ATP6V1C2: variants seen among roughly 807,000 people sequenced by gnomAD.
ATP6V1C2 encodes the protein ATPase H+ transporting V1 subunit C2.
ATP6V1C2 carries 45 observed loss-of-function variants against 56.8 expected under a neutral mutation model. The ratio of observed to expected loss-of-function variants is 0.79; its 90% confidence interval spans 0.62 to 1.02. The LOEUF (loss-of-function observed/expected upper bound fraction) is 1.02, where lower values mean the gene tolerates loss of function less well. Among genes scored for constraint, ATP6V1C2 ranks in the 50% least tolerant of loss-of-function variants. The pLI is 0.00. For synonymous variants in ATP6V1C2, 220 were observed against 201.3 expected, an observed-to-expected ratio of 1.09 and a Z score of -0.79; for missense variants, 463 against 519.7, an observed-to-expected ratio of 0.89 and a Z score of 1.06.
chr2:10,760,016 GT>G (rs1025889737), intron 4 of ATP6V1C2, among the ~76,000 whole-genome samples: 3 of 89,242 alleles, frequency 3.4e-5, no homozygotes, highest in African/African-American at 5.2e-5. Context: ...AAGACAAGCA[GT>G]TTTTTGTTTT....
Position 10,780,680 on chromosome 2 carries a change from C to T in ATP6V1C2, c.1062-1563C>T, listed in dbSNP as rs1336012520. On this transcript the variant is annotated intron_variant, in intron 12 of 13. Transcript: ENST00000272238. The surrounding 1 kb of genome is among the most constrained non-coding windows in gnomAD (Gnocchi z 4.1). ...ACGGCCTAACACAGTGAAGCCTGTC[C>T]ATGCCTTCCAGGATGCGCATCTGCC... 6.6e-6 allele frequency among the ~76,000 whole-genome samples: 1 copy of T among 152,212 alleles called. No homozygotes were observed. The highest frequency in any genetic ancestry group is 1.5e-5 in the Non-Finnish European group (1 of 68,038).
At chr2:10,733,099 A>G (rs1662056230) in intron 3 of ATP6V1C2, among the ~76,000 whole-genome samples, 1 of 152,230 alleles carries the variant, frequency 6.6e-6, no homozygotes, top group Non-Finnish European at 1.5e-5. Context: ...CAAGAATGAA[A>G]AATCACTGTG....
intron 3 of ATP6V1C2, among the ~76,000 whole-genome samples, chr2:10,744,761 T>A (rs1305023695): frequency 6.8e-6 from 1 of 147,904 alleles, no homozygotes; most frequent in Admixed American, 6.9e-5. Context: ...CTCTGCCTCC[T>A]GGGTTCAAGC....
chr2:10,760,673 C>T (rs537784969), intron 4 of ATP6V1C2, among the ~76,000 whole-genome samples: 2 of 152,210 alleles, frequency 1.3e-5, no homozygotes, highest in Non-Finnish European at 2.9e-5. Flanking sequence ...TTCTGGAAGC[C>T]ACAGCCTTGC....
rs556881794 is a variant in ATP6V1C2 at position 10,767,761 on chromosome 2, C to T, written c.379-958C>T. 6 of 152,208 alleles carry T rather than the reference C, an allele frequency of 3.9e-5. 1 individual carries two copies. In the East Asian group the frequency reaches 1.2e-3, roughly 29 times the overall value. The allele number at this position is 152,208 out of a possible 1,614,324, so 9.4% of individuals were successfully genotyped here. ...GCGTGAGCTACCTCGCCCAGTCTAC[C>T]ATTTTAATATAATCATTTAATTTAA... On this transcript the variant is annotated intron_variant, in intron 5 of 13. Coordinates refer to ENST00000272238, the MANE Select transcript of ATP6V1C2 (RefSeq NM_001039362.2).
At chr2:10,747,528 C>T (rs1397135794) in intron 3 of ATP6V1C2, among the ~76,000 whole-genome samples, 3 of 152,116 alleles carry the variant, frequency 2.0e-5, no homozygotes, top group Non-Finnish European at 4.4e-5. Context: ...GGTACTCGGT[C>T]TACAGATTTC....
At chr2:10,766,146 G>A (rs1182986413) in intron 5 of ATP6V1C2, among the ~76,000 whole-genome samples, 1 of 152,160 alleles carries the variant, frequency 6.6e-6, no homozygotes, top group Non-Finnish European at 1.5e-5. Context: ...GGATTGTGCT[G>A]TGTGCATGAC....
chr2:10,727,682 T>TGA (rs1008466314), intron 3 of ATP6V1C2, among the ~76,000 whole-genome samples: 26 of 152,250 alleles, frequency 1.7e-4, no homozygotes, highest in African/African-American at 5.5e-4. Flanking sequence ...GTGGATCACT[T>TGA]GAGATCAGGA....
intron 4 of ATP6V1C2, among the ~76,000 whole-genome samples, chr2:10,754,378 G>A (rs7573590): frequency 0.2 from 29,440 of 150,270 alleles, 3,172 homozygotes; most frequent in East Asian, 0.38. Context: ...GGCACCCACC[G>A]CCACGCCTGG....
chr2:10,767,158 T>TG (rs1558415976), intron 5 of ATP6V1C2, among the ~76,000 whole-genome samples: 1 of 86,600 alleles, frequency 1.2e-5, no homozygotes, highest in Non-Finnish European at 2.3e-5. Context: ...TCATTTTTTA[T>TG]CTTTTTTTTT....
At chr2:10,777,560 T>G in intron 10 of ATP6V1C2, 25 bp from the exon 11 acceptor site, 2 of 1,601,322 alleles carry the variant, frequency 1.2e-6, no homozygotes, top group Non-Finnish European at 1.7e-6. Context: ...GCTGAAAGAT[T>G]AATAAATCAT....
rs1664851268 is a variant in ATP6V1C2, at chr2:10,774,791, C to T, written c.642C>T (p.Leu214=). The change falls in exon 9 of 14, where the codon CTC becomes CTT. Residue 214 remains leucine, a synonymous_variant. Coordinates refer to ENST00000272238, the MANE Select transcript of ATP6V1C2 (RefSeq NM_001039362.2). ...AACAGATGCTTCTCTCCAACAGACTCATTACTGAGGACAAGGAAGGGGGCC... is the reference window on the plus strand; with the variant it reads ...AACAGATGCTTCTCTCCAACAGACTTATTACTGAGGACAAGGAAGGGGGCC... ...SDMVVPRSTK[L]ITEDKEGGLF... The T allele has an allele frequency of 6.2e-7, 1 of 1,613,848 alleles. No homozygotes were observed. The highest frequency in any genetic ancestry group is 8.5e-7 in the Non-Finnish European group (1 of 1,179,724).
At chr2:10,759,327 C>T (rs1412729083) in intron 4 of ATP6V1C2, among the ~76,000 whole-genome samples, 2 of 152,214 alleles carry the variant, frequency 1.3e-5, no homozygotes. Flanking sequence ...GCAAACACAC[C>T]TTGCCCGGCC....
At chr2:10,756,272 A>G (rs1487258775) in intron 4 of ATP6V1C2, among the ~76,000 whole-genome samples, 2 of 152,084 alleles carry the variant, frequency 1.3e-5, no homozygotes, top group Admixed American at 1.3e-4. Context: ...GGGGAGGAGA[A>G]TTGCTTGAAC....
chr2:10,763,113 C>T lies in ATP6V1C2; in HGVS notation c.284-1218C>T, dbSNP rs114222124. Among the ~76,000 whole-genome samples, 1,967 of 152,196 alleles carry T rather than the reference C, an allele frequency of 0.013. 43 individuals are homozygous for T. The highest frequency in any genetic ancestry group is 0.045 in the African/African-American group (1,878 of 41,508). ...TGTTGTTTTGGCACGTGGTGAAGTG[C>T]AGACATGACCCTTGGTGACCGATCC... On this transcript the variant is annotated intron_variant, in intron 4 of 13. Coordinates refer to ENST00000272238, the MANE Select transcript of ATP6V1C2 (RefSeq NM_001039362.2). This position sits in a 1 kb window ranked among gnomAD's most constrained non-coding sequence, Gnocchi z 4.2.
At chr2:10,760,208 A>G (rs1039899766) in intron 4 of ATP6V1C2, among the ~76,000 whole-genome samples, 6 of 151,996 alleles carry the variant, frequency 3.9e-5, no homozygotes, top group African/African-American at 2.4e-5. Context: ...CCTCGCCTCT[A>G]AAAATACAAA....
At chr2:10,762,019 C>A (rs1332575410) in intron 4 of ATP6V1C2, among the ~76,000 whole-genome samples, 1 of 152,248 alleles carries the variant, frequency 6.6e-6, no homozygotes, top group African/African-American at 2.4e-5. Context: ...CTGGGCCCTG[C>A]AGGGCGTTAG....
At chr2:10,769,185 G>A (rs1000603022) in intron 6 of ATP6V1C2, among the ~76,000 whole-genome samples, 1 of 152,258 alleles carries the variant, frequency 6.6e-6, no homozygotes, top group Non-Finnish European at 1.5e-5. Context: ...CCGTTGCAAA[G>A]CGCAGCAGGG....
intron 3 of ATP6V1C2, among the ~76,000 whole-genome samples, chr2:10,743,263 T>A (rs1054873354): frequency 2.0e-5 from 3 of 151,640 alleles, no homozygotes; most frequent in South Asian, 2.1e-4. Flanking sequence ...TAATATTTAT[T>A]TATATATATA....
Sources: gnomAD v4.1 joint callset for allele counts (sites outside exome capture counted in the v4.1 genomes callset) on GRCh38, gnomAD v4.1.1 for gene constraint, Gnocchi (gnomAD v3.1) non-coding constraint, MANE v1.5 for transcripts, NCBI Gene and HGNC (gene_info 2026-07-23, HGNC 2026-07-21) for gene names.